The following LRIF1 variants were observed in gnomAD, a reference collection of about 807,000 sequenced individuals.
The protein encoded by LRIF1 is ligand-dependent nuclear receptor-interacting factor 1.
A neutral mutation model predicts 52.7 loss-of-function variants in LRIF1; 32 were observed. The ratio of observed to expected loss-of-function variants is 0.61; its 90% confidence interval spans 0.46 to 0.82. The LOEUF is 0.82. Among genes scored for constraint, LRIF1 ranks in the 40% least tolerant of loss-of-function variants. The pLI, the probability that LRIF1 is intolerant of heterozygous loss-of-function variation, is 0.00. For synonymous variants in LRIF1, 323 were observed against 317.4 expected, an observed-to-expected ratio of 1.02 and a Z score of -0.19; for missense variants, 887 against 892.0, an observed-to-expected ratio of 0.99 and a Z score of 0.07.
chr1:110,935,584 T>C, the LRIF1 span, among the ~76,000 whole-genome samples: 1 of 152,208 alleles, frequency 6.6e-6, no homozygotes, highest in Non-Finnish European at 1.5e-5. Context: ...AATATTTTAA[T>C]AGCAGAATTG....
the LRIF1 span, among the ~76,000 whole-genome samples, chr1:110,913,455 AAGG>A: frequency 6.6e-6 from 1 of 152,216 alleles, no homozygotes; most frequent in Non-Finnish European, 1.5e-5. Flanking sequence ...TTAAATTAAC[AAGG>A]AGAAAACAAC....
At chr1:110,963,378 A>G in intron 1 of LRIF1, 1 of 325,738 alleles carries the variant, frequency 3.1e-6, no homozygotes, top group Non-Finnish European at 5.8e-6. Flanking sequence ...TCCGCCTATT[A>G]AACTTGAGAC....
the LRIF1 span, among the ~76,000 whole-genome samples, chr1:110,888,430 CT>C: frequency 8.5e-5 from 13 of 152,186 alleles, no homozygotes; most frequent in African/African-American, 3.1e-4. Flanking sequence ...TGAATATAAG[CT>C]GAGGCAATCA....
chr1:110,959,736 C>CAAAAAAAAA (rs11320169), intron 1 of LRIF1, among the ~76,000 whole-genome samples: 1 of 56,350 alleles, frequency 1.8e-5, no homozygotes, highest in Non-Finnish European at 3.3e-5. Context: ...GACTCCATCT[C>CAAAAAAAAA]AAAAAAAAAA....
At chr1:110,935,110 G>A in the LRIF1 span, among the ~76,000 whole-genome samples, 17 of 152,206 alleles carry the variant, frequency 1.1e-4, no homozygotes, top group Non-Finnish European at 2.2e-4. Context: ...GAGTCTGCAA[G>A]AACCACAGAA....
At chr1:110,896,050 G>A in the LRIF1 span, among the ~76,000 whole-genome samples, 1 of 152,206 alleles carries the variant, frequency 6.6e-6, no homozygotes, top group East Asian at 1.9e-4. Flanking sequence ...GTTTATATTT[G>A]AATGATAGGT....
chr1:110,952,648 G>A lies in LRIF1; in HGVS notation c.236C>T (p.Thr79Ile), dbSNP rs1328488422. 1.2e-6 allele frequency: 2 copies of A among 1,613,984 alleles called. No homozygotes were observed. The highest frequency in any genetic ancestry group is 1.1e-5 in the South Asian group (1 of 91,082). Reference protein sequence around the residue: ...KGNTGKPVQVTFQTQISSSST... With the variant: ...KGNTGKPVQVIFQTQISSSST... ...AGAGCTGGAAATCTGAGTCTGAAAA[G>A]TAACTTGAACTGGTTTTCCTGTATT... Residue 79 changes from threonine to isoleucine, a missense_variant, in exon 2 of 4, where the codon ACT (threonine) becomes ATT (isoleucine). Coordinates refer to ENST00000369763, the MANE Select transcript of LRIF1 (RefSeq NM_018372.4).
chr1:110,950,474 C>A (rs1168766345), intron 2 of LRIF1, among the ~76,000 whole-genome samples: 1 of 152,134 alleles, frequency 6.6e-6, no homozygotes, highest in African/African-American at 2.4e-5. Context: ...TGCCTTTAAT[C>A]GATCTTGTAT....
chr1:110,960,864 T>C (rs1436434208), intron 1 of LRIF1, among the ~76,000 whole-genome samples: 1 of 152,204 alleles, frequency 6.6e-6, no homozygotes, highest in Non-Finnish European at 1.5e-5. Context: ...TATATGTAGA[T>C]CACTCACCCT....
chr1:110,955,246 A>G (rs1297550373), intron 1 of LRIF1, among the ~76,000 whole-genome samples: 1 of 152,164 alleles, frequency 6.6e-6, no homozygotes, highest in East Asian at 1.9e-4. Flanking sequence ...CCTTATATTC[A>G]GTGATCACAA....
chr1:110,896,814 C>T, the LRIF1 span: 1 of 1,167,690 alleles, frequency 8.6e-7, no homozygotes. Context: ...TCATAGAGGA[C>T]CTAGACCTTC....
the LRIF1 span, chr1:110,941,201 G>C: frequency 2.6e-5 from 4 of 152,138 alleles, no homozygotes; most frequent in East Asian, 7.7e-4. Context: ...TTACTCTGAA[G>C]TTTCACTGCT....
At chr1:110,896,500 G>A in the LRIF1 span, among the ~76,000 whole-genome samples, 1 of 152,162 alleles carries the variant, frequency 6.6e-6, no homozygotes, top group South Asian at 2.1e-4. Context: ...AGATTAGAAA[G>A]CACTTTGTTT....
the LRIF1 span, among the ~76,000 whole-genome samples, chr1:110,910,663 C>A: frequency 6.6e-6 from 1 of 152,228 alleles, no homozygotes; most frequent in African/African-American, 2.4e-5. Context: ...TCTAAGACCA[C>A]AGTGCAATAA....
At chr1:110,959,560 G>A (rs1308367729) in intron 1 of LRIF1, among the ~76,000 whole-genome samples, 1 of 151,696 alleles carries the variant, frequency 6.6e-6, no homozygotes, top group Non-Finnish European at 1.5e-5. Flanking sequence ...GACCATCCTG[G>A]CCAACATGGT....
the LRIF1 span, among the ~76,000 whole-genome samples, chr1:110,922,485 G>A: frequency 6.6e-6 from 1 of 152,070 alleles, no homozygotes; most frequent in Non-Finnish European, 1.5e-5. Context: ...CAGATATTCT[G>A]TTATAGCAGC....
chr1:110,887,889 T>C, the LRIF1 span, among the ~76,000 whole-genome samples: 1 of 152,172 alleles, frequency 6.6e-6, no homozygotes, highest in South Asian at 2.1e-4. Flanking sequence ...CCATGCACCT[T>C]ATAGGGCAAA....
At chr1:110,879,585 T>C in the LRIF1 span, among the ~76,000 whole-genome samples, 1 of 152,278 alleles carries the variant, frequency 6.6e-6, no homozygotes, top group East Asian at 1.9e-4. Context: ...TTATCTTGGC[T>C]TTTGTTTGAG....
the LRIF1 span, among the ~76,000 whole-genome samples, chr1:110,901,339 G>T: frequency 6.6e-6 from 1 of 151,748 alleles, no homozygotes; most frequent in East Asian, 1.9e-4. Flanking sequence ...CACCACGCCT[G>T]GCTAATTTTT....
Sources: gnomAD v4.1 joint callset for allele counts (sites outside exome capture counted in the v4.1 genomes callset) on GRCh38, gnomAD v4.1.1 for gene constraint, MANE v1.5 for transcripts, NCBI Gene and HGNC (gene_info 2026-07-23, HGNC 2026-07-21) for gene names.